REPS2: variants seen among roughly 807,000 people sequenced by gnomAD.
REPS2 encodes the protein ralBP1-associated Eps domain-containing protein 2.
Under a neutral mutation model 53.6 loss-of-function variants are expected in REPS2, and 23 were observed. The ratio of observed to expected loss-of-function variants is 0.43; its 90% CI spans 0.31 to 0.61. REPS2 has a LOEUF of 0.61. REPS2 is among the 20% of genes least tolerant of loss of function. The pLI is 0.11. For synonymous variants in REPS2, 238 were observed against 218.6 expected, an observed-to-expected ratio of 1.09 and a Z score of -0.78; for missense variants, 446 against 534.9, an observed-to-expected ratio of 0.83 and a Z score of 1.64.
In REPS2 at chrX:17,099,593, G is replaced by A. The variant is rs1026558022; in HGVS notation, c.1517-4125G>A. On this transcript the variant is annotated intron_variant, in intron 13 of 17. Transcript: ENST00000357277. ...CCCCTTCCCCTCCACTGGGACGGGT[G>A]TGCAAACTATACAGCTTGGAATGGC... Among the ~76,000 whole-genome samples the A allele has an allele frequency of 2.7e-5, 3 of 111,568 alleles. No homozygotes were observed. In the Admixed American group the frequency reaches 2.9e-4, roughly 11 times the overall value.
At position 17,149,667 on chromosome X, in the gene REPS2, G is replaced by A. The variant is rs2063551135; in HGVS notation, c.*2186G>A. The A allele has an allele frequency of 8.9e-6, 1 of 112,396 alleles. No homozygotes were observed. Among genetic ancestry groups the A allele is most frequent in the African/African-American group, 3.2e-5 (1 of 30,972 alleles). 9.3% of individuals were successfully genotyped at this position (112,396 alleles called of 1,213,427 possible). ...TTTGGCTTTTGGTAAATTCAATCCA[G>A]GAAAGACTAGCATGTGCACTTTATC... On this transcript the variant is annotated 3_prime_UTR_variant, in exon 18 of 18. Coordinates refer to ENST00000357277, the MANE Select transcript of REPS2 (RefSeq NM_004726.3).
At chrX:16,964,745 C>A (rs1410580837) in intron 1 of REPS2, among the ~76,000 whole-genome samples, 1 of 98,135 alleles carries the variant, frequency 1.0e-5, no homozygotes. Flanking sequence ...CGGGCAGAGG[C>A]GCCCCTCACC....
intron 14 of REPS2, among the ~76,000 whole-genome samples, chrX:17,117,639 G>A (rs1404792391): frequency 2.7e-5 from 3 of 110,353 alleles, no homozygotes; most frequent in African/African-American, 6.6e-5. Flanking sequence ...ATTCCATGGT[G>A]TATATGTGCC....
At chrX:17,018,212 CTTTTTTTTTTTT>C (rs200578522) in intron 2 of REPS2, among the ~76,000 whole-genome samples, 24 of 92,209 alleles carry the variant, frequency 2.6e-4, no homozygotes, top group Non-Finnish European at 3.0e-4. Context: ...TGGCAACTGC[CTTTTTTTTTTTT>C]TTTTTTTTTT....
intron 2 of REPS2, among the ~76,000 whole-genome samples, chrX:17,018,600 T>G (rs2061530683): frequency 2.9e-5 from 1 of 34,970 alleles, no homozygotes; most frequent in Non-Finnish European, 4.4e-5. Flanking sequence ...CTTTCTTTCT[T>G]TCTTTTTTTT....
At chrX:17,115,643 C>G (rs2063042340) in intron 14 of REPS2, among the ~76,000 whole-genome samples, 1 of 112,241 alleles carries the variant, frequency 8.9e-6, no homozygotes, top group Admixed American at 9.4e-5. Context: ...AAACCTTGGA[C>G]AATACCTGGC....
chrX:17,030,870 G>A (rs1009526642), intron 5 of REPS2, among the ~76,000 whole-genome samples: 1 of 111,921 alleles, frequency 8.9e-6, no homozygotes, highest in Non-Finnish European at 1.9e-5. Context: ...TCCTACATTA[G>A]AGTCCCATAT....
intron 3 of REPS2, among the ~76,000 whole-genome samples, chrX:17,024,853 A>C (rs1000785174): frequency 8.9e-6 from 1 of 111,993 alleles, no homozygotes. Context: ...TAGGTAACTC[A>C]GCACTGATGA....
chrX:17,078,889 A>G (rs112174212), intron 13 of REPS2, among the ~76,000 whole-genome samples: 2,825 of 112,119 alleles, frequency 0.025, 97 homozygotes, highest in African/African-American at 0.088. Flanking sequence ...CTTAATGTTT[A>G]TGCATCTCAG....
At chrX:16,956,534 G>A (rs961266645) in intron 1 of REPS2, among the ~76,000 whole-genome samples, 9 of 111,143 alleles carry the variant, frequency 8.1e-5, no homozygotes, top group Non-Finnish European at 1.7e-4. Flanking sequence ...CACTGCTTTC[G>A]GTCAAATGAC....
intron 13 of REPS2, among the ~76,000 whole-genome samples, chrX:17,102,238 C>T (rs775674284): frequency 9.1e-6 from 1 of 110,374 alleles, no homozygotes; most frequent in Admixed American, 9.8e-5. Context: ...TGCACTACCA[C>T]GCCTGGCTAG....
the REPS2 span, among the ~76,000 whole-genome samples, chrX:17,191,100 GATA>G: frequency 9.9e-5 from 11 of 111,406 alleles, no homozygotes; most frequent in African/African-American, 3.3e-4. Flanking sequence ...ATAAAAAATT[GATA>G]ATAAATTAGA....
intron 14 of REPS2, among the ~76,000 whole-genome samples, chrX:17,122,500 G>A (rs893187211): frequency 4.5e-5 from 5 of 112,105 alleles, no homozygotes; most frequent in African/African-American, 1.3e-4. Context: ...GTGAACACTC[G>A]TATCCAAGTT....
At chrX:17,176,860 G>C in the REPS2 span, among the ~76,000 whole-genome samples, 3 of 112,209 alleles carry the variant, frequency 2.7e-5, no homozygotes, top group African/African-American at 6.5e-5. Context: ...TGGGGAGGCT[G>C]CCGGCCCTTG....
At chrX:17,117,988 C>A in intron 14 of REPS2, among the ~76,000 whole-genome samples, 1 of 69,393 alleles carries the variant, frequency 1.4e-5, no homozygotes, top group Non-Finnish European at 2.4e-5. Flanking sequence ...GAGACGGAGT[C>A]TCGCTCTGTC....
At position 17,068,420 on chromosome X, in the gene REPS2, A is replaced by G. The variant is rs956535345; in HGVS notation, c.1228A>G (p.Met410Val). Residue 410 changes from methionine to valine, a missense_variant, in exon 10 of 18, where the codon ATG (methionine) becomes GTG (valine). Physicochemically the swap from Met to Val is conservative, Grantham distance 21. Coordinates refer to ENST00000357277, the MANE Select transcript of REPS2 (RefSeq NM_004726.3). ...NRMEKTSVKD[M>V]ADLPVPNQDV... ...TTCAAAGAAGACATCTGTTAAAGACATGGCTGACCTTCCTGTCCCTAACCA... is the reference window on the plus strand; with the variant it reads ...TTCAAAGAAGACATCTGTTAAAGACGTGGCTGACCTTCCTGTCCCTAACCA... 1.7e-6 allele frequency: 2 copies of G among 1,205,842 alleles called. No homozygotes were observed. Among genetic ancestry groups the G allele is most frequent in the Non-Finnish European group, 1.1e-6 (1 of 890,599 alleles).
rs960939180 is a variant in REPS2, at chrX:17,150,262, C to G, written c.*2781C>G. ...TCACCATTATACCTCTTCCATAAAA[C>G]GACTCCAAAGTTAGACCTGCCTGTT... On this transcript the variant is annotated 3_prime_UTR_variant, in exon 18 of 18. Coordinates refer to ENST00000357277, the MANE Select transcript of REPS2 (RefSeq NM_004726.3). 1 of 112,301 alleles carries G rather than the reference C, an allele frequency of 8.9e-6. No individual in the cohort carries two copies. The highest frequency in any genetic ancestry group is 1.9e-5 in the Non-Finnish European group (1 of 53,288). The allele number at this position is 112,301 out of a possible 1,213,427, so 9.3% of individuals were successfully genotyped here.
intron 13 of REPS2, among the ~76,000 whole-genome samples, chrX:17,083,401 C>T (rs1042530461): frequency 2.7e-5 from 3 of 111,327 alleles, no homozygotes; most frequent in Non-Finnish European, 3.8e-5. Flanking sequence ...CTCTTTTAAG[C>T]TCTGATGCGT....
chrX:17,152,769 G>A lies in REPS2; in HGVS notation c.*5288G>A, dbSNP rs1041518437. ...CTCAACCGCACCTATCTTGGGAACC[G>A]GGTATACCCTTTTCTTTAGCACTGC... is the stretch of plus-strand genomic sequence containing the variant. On this transcript the variant is annotated 3_prime_UTR_variant, in exon 18 of 18. Coordinates refer to ENST00000357277, the MANE Select transcript of REPS2 (RefSeq NM_004726.3). 5.4e-5 allele frequency: 6 copies of A among 111,248 alleles called. No individual in the cohort carries two copies. The highest frequency in any genetic ancestry group is 1.9e-4 in the Admixed American group (2 of 10,509). 9.2% of individuals were successfully genotyped at this position (111,248 alleles called of 1,213,427 possible).
Sources: gnomAD v4.1 joint callset for allele counts (sites outside exome capture counted in the v4.1 genomes callset) on GRCh38, gnomAD v4.1.1 for gene constraint, MANE v1.5 for transcripts, NCBI Gene and HGNC (gene_info 2026-07-23, HGNC 2026-07-21) for gene names.